Variants in SCAI observed in about 807,000 individuals in gnomAD.
SCAI encodes the protein protein SCAI.
A neutral mutation model predicts 92.2 loss-of-function variants in SCAI; 24 were observed. The observed-to-expected ratio is 0.26, with a 90% CI of 0.19 to 0.37. SCAI has a LOEUF of 0.37. Among genes scored for constraint, SCAI ranks in the 10% least tolerant of loss-of-function variants. The pLI, the probability that SCAI is intolerant of heterozygous loss-of-function variation, is 1.00. For synonymous variants in SCAI, 261 were observed against 258.6 expected (o/e 1.01, Z -0.09); for missense variants, 450 against 736.2 (o/e 0.61, Z 4.50).
At chr9:125,073,092 A>ATATTTTTTTTT (rs1834010043) in intron 2 of SCAI, among the ~76,000 whole-genome samples, 2 of 72,478 alleles carry the variant, frequency 2.8e-5, no homozygotes, top group South Asian at 1.0e-3. Flanking sequence ...TCTATTTTTA[A>ATATTTTTTTTT]TTTTTTTTTT....
intron 2 of SCAI, among the ~76,000 whole-genome samples, chr9:125,108,323 C>A (rs1281171800): frequency 1.3e-5 from 2 of 152,038 alleles, no homozygotes; most frequent in East Asian, 3.9e-4. Flanking sequence ...CCCCTCTGCC[C>A]AGCTGCCCAG....
At chr9:124,995,847 G>C (rs1165965369) in intron 13 of SCAI, among the ~76,000 whole-genome samples, 1 of 152,058 alleles carries the variant, frequency 6.6e-6, no homozygotes, top group East Asian at 1.9e-4. Context: ...TAAACATGCA[G>C]TTTGACTGGC....
intron 14 of SCAI, among the ~76,000 whole-genome samples, chr9:124,978,771 A>G (rs1331127878): frequency 6.6e-6 from 1 of 152,236 alleles, no homozygotes; most frequent in Non-Finnish European, 1.5e-5. Context: ...TTGGTACAAT[A>G]AATTATGCTA....
Position 125,070,431 on chromosome 9 carries a change from G to A in SCAI, c.99-14424C>T, listed in dbSNP as rs148329911. ...TTTTTTTTTTTTGAGACATAGTCTCGCCCTGTTGCCCAGGCTTGAGTGCAG... is the reference window on the plus strand; with the variant it reads ...TTTTTTTTTTTTGAGACATAGTCTCACCCTGTTGCCCAGGCTTGAGTGCAG... On this transcript the variant is annotated intron_variant, in intron 2 of 17. Transcript: ENST00000336505. Among the ~76,000 whole-genome samples the A allele has an allele frequency of 9.2e-3, 1,123 of 122,002 alleles. 19 individuals carry two copies. Among genetic ancestry groups the A allele is most frequent in the African/African-American group, 0.033 (1,050 of 31,698 alleles). 80.0% of individuals were successfully genotyped at this position (122,002 alleles called of 152,430 possible).
chr9:124,995,075 T>G (rs1832212094), intron 13 of SCAI, 60 bp from the exon 14 acceptor site: 3 of 1,324,044 alleles, frequency 2.3e-6, no homozygotes, highest in Non-Finnish European at 3.2e-6. Context: ...GAAATCTTAT[T>G]CTTCAGTTTG....
chr9:124,980,654 C>T (rs967464287), intron 14 of SCAI, among the ~76,000 whole-genome samples: 3 of 152,142 alleles, frequency 2.0e-5, no homozygotes, highest in African/African-American at 7.2e-5. Context: ...TCCATGTTGT[C>T]ACAACTTGTT....
intron 17 of SCAI, chr9:124,968,361 T>A: frequency 1.7e-6 from 2 of 1,196,864 alleles, no homozygotes; most frequent in East Asian, 4.7e-5. Flanking sequence ...TTTAGTGAGC[T>A]CTGCAGCGAG....
chr9:125,008,372 A>C (rs1016533915), intron 9 of SCAI, among the ~76,000 whole-genome samples: 5 of 151,612 alleles, frequency 3.3e-5, no homozygotes, highest in Non-Finnish European at 7.4e-5. Context: ...CCTAACCTCA[A>C]GTGATCTACC....
At chr9:125,020,086 GAA>G (rs1184488917) in intron 7 of SCAI, among the ~76,000 whole-genome samples, 10 of 111,376 alleles carry the variant, frequency 9.0e-5, no homozygotes, top group African/African-American at 3.3e-4. Context: ...AAAAAAAAAA[GAA>G]AAAAAAAAAA....
intron 9 of SCAI, among the ~76,000 whole-genome samples, chr9:125,004,091 G>A (rs1286129988): frequency 3.3e-5 from 5 of 152,000 alleles, no homozygotes; most frequent in African/African-American, 9.7e-5. Flanking sequence ...CAGAAGAATC[G>A]CTTGAACCCA....
At chr9:125,099,409 G>A (rs184211177) in intron 2 of SCAI, among the ~76,000 whole-genome samples, 5 of 151,842 alleles carry the variant, frequency 3.3e-5, no homozygotes, top group East Asian at 1.9e-4. Flanking sequence ...GACTCAGCCC[G>A]CCTAGTAGAT....
At chr9:125,107,838 AGTCTCCCTCTCCCTCTCTTTCCACG>A (rs1296445867) in intron 2 of SCAI, among the ~76,000 whole-genome samples, 3 of 152,008 alleles carry the variant, frequency 2.0e-5, no homozygotes, top group Non-Finnish European at 4.4e-5. Context: ...CTCTCCCCAC[AGTCTCCCTCTCCCTCTCTTTCCACG>A]GTCTCCCTCT....
At chr9:125,018,982 A>G in intron 8 of SCAI, 31 bp from the exon 9 acceptor site, 1 of 1,605,710 alleles carries the variant, frequency 6.2e-7, no homozygotes, top group African/African-American at 1.3e-5. Flanking sequence ...AACTTAACGA[A>G]TGGCCAAGAC....
At chr9:125,142,767 C>CCA (rs1440822813) in intron 1 of SCAI, 90 bp from the exon 2 acceptor site, 39 of 1,122,416 alleles carry the variant, frequency 3.5e-5, no homozygotes, top group Middle Eastern at 4.0e-4. Flanking sequence ...ACTAAATAGA[C>CCA]CACCCTCTGG....
intron 2 of SCAI, 169 bp downstream of exon 2, chr9:125,142,464 G>A: frequency 5.4e-6 from 3 of 553,970 alleles, no homozygotes; most frequent in Non-Finnish European, 9.7e-6. Flanking sequence ...GACTGTAGAG[G>A]TAGTAATTTG....
intron 12 of SCAI, among the ~76,000 whole-genome samples, chr9:125,000,539 C>T (rs1043586856): frequency 6.6e-6 from 1 of 151,204 alleles, no homozygotes; most frequent in East Asian, 1.9e-4. Flanking sequence ...TATTCCCAGG[C>T]TGCAGTGAAC....
intron 9 of SCAI, among the ~76,000 whole-genome samples, chr9:125,014,686 A>G (rs1832713152): frequency 2.0e-5 from 3 of 152,216 alleles, no homozygotes; most frequent in Admixed American, 1.3e-4. Flanking sequence ...AACTATTTTA[A>G]AGTTCATATG....
At chr9:125,064,526 G>A (rs58166741) in intron 2 of SCAI, among the ~76,000 whole-genome samples, 2,332 of 152,206 alleles carry the variant, frequency 0.015, 63 homozygotes, top group African/African-American at 0.053. Flanking sequence ...GCAAGTAAGT[G>A]AGAAATCAAT....
chr9:124,982,498 C>T (rs1182645455), intron 14 of SCAI, among the ~76,000 whole-genome samples: 1 of 151,670 alleles, frequency 6.6e-6, no homozygotes, highest in African/African-American at 2.4e-5. Flanking sequence ...ATGGTGAAAC[C>T]CCATCTCTAC....
Sources: allele counts gnomAD v4.1 joint callset (sites outside exome capture counted in the v4.1 genomes callset), GRCh38; gene constraint gnomAD v4.1.1; transcripts MANE v1.5; gene names NCBI Gene and HGNC (gene_info 2026-07-23, HGNC 2026-07-21).